The following SCHIP1 variants were observed in gnomAD, a reference collection of about 807,000 sequenced individuals.
The protein encoded by SCHIP1 is schwannomin-interacting protein 1.
In SCHIP1, 8 loss-of-function variants were observed where a neutral mutation model predicts 29.7. That is an observed-to-expected ratio of 0.27 (90% CI 0.16 to 0.49). The LOEUF (loss-of-function observed/expected upper bound fraction) is 0.49. Ranked by LOEUF, SCHIP1 falls within the 20% of genes least tolerant of loss-of-function variation. The pLI, the probability that SCHIP1 is intolerant of heterozygous loss-of-function variation, is 0.99. For missense variants in SCHIP1, 193 were observed against 294.6 expected (o/e 0.66, Z 2.52); for synonymous variants, 76 against 94.9 (o/e 0.80, Z 1.16).
At chr3:159,539,180 T>A in the SCHIP1 span, among the ~76,000 whole-genome samples, 2 of 152,100 alleles carry the variant, frequency 1.3e-5, no homozygotes, top group Non-Finnish European at 2.9e-5. Flanking sequence ...TATGTGAGTC[T>A]GTCTACACTC....
chr3:159,700,277 A>G, the SCHIP1 span, among the ~76,000 whole-genome samples: 1 of 152,254 alleles, frequency 6.6e-6, no homozygotes, highest in East Asian at 1.9e-4. Flanking sequence ...GGCAAATCCT[A>G]CATTCTATAG....
At chr3:159,521,043 A>G in the SCHIP1 span, among the ~76,000 whole-genome samples, 1 of 152,224 alleles carries the variant, frequency 6.6e-6, no homozygotes, top group Non-Finnish European at 1.5e-5. Flanking sequence ...TATTAAAATA[A>G]AATCTTTTGA....
chr3:159,570,846 G>A, the SCHIP1 span, among the ~76,000 whole-genome samples: 1 of 152,098 alleles, frequency 6.6e-6, no homozygotes, highest in African/African-American at 2.4e-5. Context: ...AGTTCTCCTT[G>A]AAGAGGTCCT....
chr3:159,349,259 G>T, the SCHIP1 span, among the ~76,000 whole-genome samples: 1 of 152,140 alleles, frequency 6.6e-6, no homozygotes, highest in Non-Finnish European at 1.5e-5. Context: ...CCCATGTCGT[G>T]CAAGCGATGT....
At chr3:159,633,334 A>C in the SCHIP1 span, among the ~76,000 whole-genome samples, 1 of 152,196 alleles carries the variant, frequency 6.6e-6, no homozygotes, top group African/African-American at 2.4e-5. Flanking sequence ...TTAAAGATGT[A>C]ATATGTAAAA....
the SCHIP1 span, among the ~76,000 whole-genome samples, chr3:159,335,601 T>G: frequency 6.6e-6 from 1 of 152,178 alleles, no homozygotes; most frequent in Non-Finnish European, 1.5e-5. Context: ...GTGATTGGTT[T>G]TTTATCCTTG....
At chr3:159,514,547 AG>A in the SCHIP1 span, among the ~76,000 whole-genome samples, 1 of 152,236 alleles carries the variant, frequency 6.6e-6, no homozygotes, top group African/African-American at 2.4e-5. Context: ...TTGCCGATGA[AG>A]AAGTGCAGTC....
At chr3:159,548,814 A>G in the SCHIP1 span, among the ~76,000 whole-genome samples, 149,754 of 152,204 alleles carry the variant, frequency 0.98, 73,686 homozygotes, top group East Asian at 1. Flanking sequence ...TCATCTTTGA[A>G]CATAGATATC....
the SCHIP1 span, among the ~76,000 whole-genome samples, chr3:159,593,811 G>T: frequency 6.6e-6 from 1 of 152,210 alleles, no homozygotes; most frequent in African/African-American, 2.4e-5. Context: ...AATTTGCATA[G>T]ATCATGCTAC....
At chr3:159,786,269 G>A in the SCHIP1 span, among the ~76,000 whole-genome samples, 1 of 152,094 alleles carries the variant, frequency 6.6e-6, no homozygotes, top group Non-Finnish European at 1.5e-5. Flanking sequence ...TAAAAAGTCT[G>A]CTTTTTTTTC....
chr3:159,348,348 GGTTA>G, the SCHIP1 span, among the ~76,000 whole-genome samples: 13 of 151,966 alleles, frequency 8.6e-5, no homozygotes, highest in Admixed American at 2.6e-4. Context: ...TAAATTTTGA[GGTTA>G]GTTAATGTTA....
At chr3:159,819,481 C>T in the SCHIP1 span, among the ~76,000 whole-genome samples, 1 of 152,134 alleles carries the variant, frequency 6.6e-6, no homozygotes, top group African/African-American at 2.4e-5. Flanking sequence ...TGTAAATCTT[C>T]TGAGGCAAAA....
the SCHIP1 span, among the ~76,000 whole-genome samples, chr3:159,293,030 T>C: frequency 6.6e-6 from 1 of 152,210 alleles, no homozygotes; most frequent in Non-Finnish European, 1.5e-5. Context: ...CAACACCATA[T>C]AATGATGTCC....
the SCHIP1 span, among the ~76,000 whole-genome samples, chr3:159,626,339 G>A: frequency 6.6e-6 from 1 of 150,994 alleles, no homozygotes; most frequent in African/African-American, 2.4e-5. Flanking sequence ...AGAAAAGGAA[G>A]CAAGTTATTT....
chr3:159,559,600 GT>G, the SCHIP1 span, among the ~76,000 whole-genome samples: 2 of 152,144 alleles, frequency 1.3e-5, no homozygotes, highest in African/African-American at 2.4e-5. Context: ...TATCTGCTAA[GT>G]TTCTTTCATC....
the SCHIP1 span, among the ~76,000 whole-genome samples, chr3:159,288,723 G>A: frequency 1.3e-5 from 2 of 152,148 alleles, no homozygotes; most frequent in South Asian, 2.1e-4. Flanking sequence ...AGCGAAACTC[G>A]GTCTTGAAGA....
the SCHIP1 span, among the ~76,000 whole-genome samples, chr3:159,771,642 G>A: frequency 1.3e-5 from 2 of 150,412 alleles, no homozygotes; most frequent in East Asian, 3.9e-4. Context: ...TCTGTCTACT[G>A]GCATGTACTC....
the SCHIP1 span, among the ~76,000 whole-genome samples, chr3:159,392,260 T>G: frequency 6.6e-6 from 1 of 152,300 alleles, no homozygotes; most frequent in East Asian, 1.9e-4. Context: ...ATTCTATGAT[T>G]ACATGTAAAC....
chr3:159,337,656 C>T, the SCHIP1 span, among the ~76,000 whole-genome samples: 1 of 152,064 alleles, frequency 6.6e-6, no homozygotes, highest in Non-Finnish European at 1.5e-5. Flanking sequence ...GATGTCCTGT[C>T]TTCTAATCAT....
Sources: allele counts gnomAD v4.1 joint callset (sites outside exome capture counted in the v4.1 genomes callset), GRCh38; gene constraint gnomAD v4.1.1; transcripts MANE v1.5; gene names NCBI Gene and HGNC (gene_info 2026-07-23, HGNC 2026-07-21).